SPAG16: variants seen among roughly 807,000 people sequenced by gnomAD.
SPAG16 encodes the protein sperm-associated antigen 16 protein.
In SPAG16, 86 loss-of-function variants were observed where a neutral mutation model predicts 80.4. The ratio of observed to expected loss-of-function variants is 1.07; its 90% CI spans 0.90 to 1.28. The LOEUF (loss-of-function observed/expected upper bound fraction) is 1.28, where lower values mean the gene tolerates loss of function less well. Ranked by LOEUF, SPAG16 falls within the 50% of genes most tolerant of loss-of-function variation. The pLI, the probability that SPAG16 is intolerant of heterozygous loss-of-function variation, is 0.00. For synonymous variants in SPAG16, 294 were observed against 265.9 expected (o/e 1.11, Z -1.03); for missense variants, 870 against 765.3 (o/e 1.14, Z -1.61).
Position 213,676,859 on chromosome 2 carries a change from C to A in SPAG16, c.1071-185626C>A, listed in dbSNP as rs559666498. Among the ~76,000 whole-genome samples the A allele has an allele frequency of 3.5e-3, 526 of 150,930 alleles. 6 individuals carry two copies. Among genetic ancestry groups the A allele is most frequent in the African/African-American group, 0.012 (495 of 40,962 alleles). On this transcript the variant is annotated intron_variant, in intron 10 of 15. Coordinates refer to ENST00000331683, the MANE Select transcript of SPAG16 (RefSeq NM_024532.5). ...CTAAAATTCTCTTTTTTGGTTGTGT[C>A]TCTGCCCAGCTTTGGTATCAGGATG...
chr2:213,596,985 A>G (rs1052993821), intron 10 of SPAG16, among the ~76,000 whole-genome samples: 14 of 152,150 alleles, frequency 9.2e-5, no homozygotes, highest in African/African-American at 3.4e-4. Flanking sequence ...GCGGAGACTT[A>G]TGAAATAAAA....
At chr2:213,814,382 A>G (rs1174569486) in intron 10 of SPAG16, among the ~76,000 whole-genome samples, 4 of 152,244 alleles carry the variant, frequency 2.6e-5, no homozygotes, top group Non-Finnish European at 4.4e-5. Flanking sequence ...ATACCTTTAT[A>G]ACAACATCTA....
intron 11 of SPAG16, among the ~76,000 whole-genome samples, chr2:213,906,877 C>T (rs1056640593): frequency 1.3e-5 from 2 of 152,080 alleles, no homozygotes; most frequent in African/African-American, 4.8e-5. Context: ...GGATTAAAGG[C>T]TTAAATATAA....
At chr2:214,165,432 A>G (rs2056606434) in intron 15 of SPAG16, among the ~76,000 whole-genome samples, 1 of 144,114 alleles carries the variant, frequency 6.9e-6, no homozygotes, top group Non-Finnish European at 1.5e-5. Context: ...CTCATGATCA[A>G]AAATGACCCC....
intron 10 of SPAG16, among the ~76,000 whole-genome samples, chr2:213,604,534 G>T (rs1021574988): frequency 6.6e-6 from 1 of 151,882 alleles, no homozygotes; most frequent in East Asian, 1.9e-4. Flanking sequence ...TCATCATATT[G>T]CCTAGGTTCA....
intron 10 of SPAG16, among the ~76,000 whole-genome samples, chr2:213,672,924 T>C (rs1166253757): frequency 6.6e-6 from 1 of 150,576 alleles, no homozygotes; most frequent in Non-Finnish European, 1.5e-5. Flanking sequence ...AGTGGCACGA[T>C]CTTGGCTCAC....
chr2:213,652,123 C>T (rs745614522), intron 10 of SPAG16, among the ~76,000 whole-genome samples: 5 of 152,144 alleles, frequency 3.3e-5, no homozygotes, highest in Admixed American at 6.5e-5. Context: ...GTCAGCATCA[C>T]CACTTATTAG....
rs1293981475 is a variant in SPAG16, at chr2:214,102,316, T to G, written c.1528-5880T>G. On this transcript the variant is annotated intron_variant, in intron 13 of 15. Coordinates refer to ENST00000331683, the MANE Select transcript of SPAG16 (RefSeq NM_024532.5). ...TAAGGAGAAAAATTCATGAAGTAAT[T>G]TTGTTAATGAGGAGTGATATGAAGG... Among the ~76,000 whole-genome samples, 4 of 151,994 alleles carry G rather than the reference T, an allele frequency of 2.6e-5. No homozygotes were observed. The East Asian group carries it at 5.8e-4, about 22-fold the overall frequency.
chr2:213,714,804 A>AGCCTGACACCAGGTAAGCCTCACAC lies in SPAG16; in HGVS notation c.1071-147681_1071-147680insGCCTGACACCAGGTAAGCCTCACAC. 1.3e-5 allele frequency among the ~76,000 whole-genome samples: 2 copies of AGCCTGACACCAGGTAAGCCTCACAC among 152,324 alleles called. 1 individual carries two copies. Among genetic ancestry groups the AGCCTGACACCAGGTAAGCCTCACAC allele is most frequent in the South Asian group, 4.1e-4 (2 of 4,830 alleles). On this transcript the variant is annotated intron_variant, in intron 10 of 15. Coordinates refer to ENST00000331683, the MANE Select transcript of SPAG16 (RefSeq NM_024532.5). The stretch of plus-strand genomic sequence containing the variant: ...GGATTTAAACCCAACGAATCTGGTA[A>AGCCTGACACCAGGTAAGCCTCACAC]CAGAGTACATGATCCTAATCACTAC...
chr2:213,681,987 G>A lies in SPAG16; in HGVS notation c.1071-180498G>A, dbSNP rs532461550. Among the ~76,000 whole-genome samples, 22 of 152,222 alleles carry A rather than the reference G, an allele frequency of 1.4e-4. No individual in the cohort carries two copies. In the South Asian group the frequency reaches 4.4e-3, roughly 30 times the overall value. ...TTCCCTTCAGCGTGAATCTGTTACA[G>A]CTGTCCTCTGGCACCTTTAGGGATC... On this transcript the variant is annotated intron_variant, in intron 10 of 15. Coordinates refer to ENST00000331683, the MANE Select transcript of SPAG16 (RefSeq NM_024532.5).
chr2:214,052,968 C>T (rs927298855), intron 13 of SPAG16, among the ~76,000 whole-genome samples: 1 of 152,122 alleles, frequency 6.6e-6, no homozygotes, highest in Non-Finnish European at 1.5e-5. Flanking sequence ...TTTTTTCTGC[C>T]TACATTCAAC....
intron 11 of SPAG16, among the ~76,000 whole-genome samples, chr2:213,909,489 A>G (rs1276039935): frequency 6.6e-6 from 1 of 152,140 alleles, no homozygotes; most frequent in African/African-American, 2.4e-5. Flanking sequence ...CTACAAGGCT[A>G]CAGTAACCAA....
At chr2:213,319,283 T>C (rs1254198522) in intron 5 of SPAG16, among the ~76,000 whole-genome samples, 1 of 151,922 alleles carries the variant, frequency 6.6e-6, no homozygotes, top group Non-Finnish European at 1.5e-5. Flanking sequence ...GAAACATGCC[T>C]TTTCATTGAG....
chr2:214,174,694 A>C (rs1457780079), intron 15 of SPAG16, among the ~76,000 whole-genome samples: 1 of 151,738 alleles, frequency 6.6e-6, no homozygotes, highest in African/African-American at 2.4e-5. Flanking sequence ...TGTGCCATAC[A>C]TACAGTATTT....
chr2:214,063,824 A>G (rs2050399732), intron 13 of SPAG16, among the ~76,000 whole-genome samples: 1 of 152,208 alleles, frequency 6.6e-6, no homozygotes, highest in Admixed American at 6.5e-5. Context: ...TGTTTTAATA[A>G]TACATAAATT....
chr2:213,768,208 T>A (rs1416815308), intron 10 of SPAG16, among the ~76,000 whole-genome samples: 1 of 151,834 alleles, frequency 6.6e-6, no homozygotes, highest in African/African-American at 2.4e-5. Flanking sequence ...GTATTGGGGG[T>A]AAAGGACTGA....
At chr2:213,755,080 C>T (rs1320551516) in intron 10 of SPAG16, among the ~76,000 whole-genome samples, 1 of 152,090 alleles carries the variant, frequency 6.6e-6, no homozygotes, top group East Asian at 1.9e-4. Flanking sequence ...CTCTTTGTGT[C>T]AGTAATACTC....
intron 9 of SPAG16, among the ~76,000 whole-genome samples, chr2:213,468,086 C>G (rs931944158): frequency 1.3e-5 from 2 of 152,074 alleles, no homozygotes; most frequent in Non-Finnish European, 2.9e-5. Context: ...CCTCCTGATA[C>G]CAGGGGCTGC....
chr2:214,378,939 G>T (rs530089060), intron 15 of SPAG16, among the ~76,000 whole-genome samples: 3 of 152,288 alleles, frequency 2.0e-5, no homozygotes, highest in South Asian at 2.1e-4. Context: ...GACTCGTTCT[G>T]CCAGGCTTAG....
Sources: allele counts gnomAD v4.1 joint callset (sites outside exome capture counted in the v4.1 genomes callset), GRCh38; gene constraint gnomAD v4.1.1; transcripts MANE v1.5; gene names NCBI Gene and HGNC (gene_info 2026-07-23, HGNC 2026-07-21).